LDB2: variants seen among roughly 807,000 people sequenced by gnomAD.
LDB2 encodes the protein LIM domain-binding protein 2.
Under a neutral mutation model 44.3 loss-of-function variants are expected in LDB2, and 12 were observed. The observed-to-expected ratio is 0.27, with a 90% CI of 0.17 to 0.44. LDB2 has a LOEUF of 0.44. LDB2 is among the 20% of genes least tolerant of loss of function. LDB2 has a pLI of 1.00. For missense variants in LDB2, 344 were observed against 473.5 expected, an observed-to-expected ratio of 0.73 and a Z score of 2.54; for synonymous variants, 164 against 174.8, an observed-to-expected ratio of 0.94 and a Z score of 0.49.
intron 1 of LDB2, among the ~76,000 whole-genome samples, chr4:16,777,308 G>A (rs566991400): frequency 6.6e-6 from 1 of 152,242 alleles, no homozygotes; most frequent in South Asian, 2.1e-4. Flanking sequence ...GGTGAGAAAT[G>A]GTTTCCTGTT....
chr4:16,612,222 G>C lies in LDB2; in HGVS notation c.236-16347C>G, dbSNP rs540569025. Reference sequence around the variant, plus strand: ...TGGGACACAGCTAAAGCAGTGTTAAGAGGGAAATTTATAACACTAAATGCC... The same window carrying C: ...TGGGACACAGCTAAAGCAGTGTTAACAGGGAAATTTATAACACTAAATGCC... On this transcript the variant is annotated intron_variant, in intron 2 of 7. Transcript: ENST00000304523. Among the ~76,000 whole-genome samples the C allele has an allele frequency of 3.3e-5, 5 of 152,260 alleles. No individual in the cohort carries two copies. In the East Asian group the frequency reaches 7.7e-4, roughly 23 times the overall value.
intron 2 of LDB2, among the ~76,000 whole-genome samples, chr4:16,614,491 A>G (rs1726567258): frequency 6.6e-6 from 1 of 151,854 alleles, no homozygotes; most frequent in Non-Finnish European, 1.5e-5. Context: ...CAACCTACAA[A>G]ATGGGAGAGA....
chr4:16,759,256 C>A lies in LDB2; in HGVS notation c.137G>T (p.Ser46Ile). The change falls in exon 2 of 8, where the codon AGT becomes ATT. Residue 46 changes from serine to isoleucine, a missense_variant. Ser to Ile is a moderately radical substitution (Grantham distance 142). Transcript: ENST00000304523. ...AAAGGCGTCCCACCAGAGGTTGTCA[C>A]TATCCTGCAAAGAGACAGATCATTT... Reference protein sequence around the residue: ...NKRLQSRTEDSDNLWWDAFAT... With the variant: ...NKRLQSRTEDIDNLWWDAFAT... 6.2e-7 allele frequency: 1 copy of A among 1,604,168 alleles called. No homozygotes were observed.
chr4:16,677,437 T>G (rs1423995273), intron 2 of LDB2, among the ~76,000 whole-genome samples: 1 of 152,158 alleles, frequency 6.6e-6, no homozygotes, highest in Non-Finnish European at 1.5e-5. Flanking sequence ...GCAAGAGGGA[T>G]GACTGGATTG....
At chr4:16,743,933 C>T (rs1763850958) in intron 2 of LDB2, among the ~76,000 whole-genome samples, 1 of 152,182 alleles carries the variant, frequency 6.6e-6, no homozygotes, top group East Asian at 1.9e-4. Context: ...ACTAAAATAC[C>T]TATCAAATAG....
intron 1 of LDB2, among the ~76,000 whole-genome samples, chr4:16,870,533 T>A (rs1433292213): frequency 6.6e-6 from 1 of 152,052 alleles, no homozygotes; most frequent in Non-Finnish European, 1.5e-5. Context: ...TTACCAGGTA[T>A]AAAAGCCCTC....
At chr4:16,659,524 A>C (rs1057048989) in intron 2 of LDB2, among the ~76,000 whole-genome samples, 3 of 152,086 alleles carry the variant, frequency 2.0e-5, no homozygotes, top group African/African-American at 4.8e-5. Context: ...GTTTTAAATT[A>C]ACTTATTCAG....
At chr4:16,672,151 G>T (rs1037221153) in intron 2 of LDB2, among the ~76,000 whole-genome samples, 2 of 152,148 alleles carry the variant, frequency 1.3e-5, no homozygotes, top group Non-Finnish European at 2.9e-5. Context: ...TGTGAGGGAG[G>T]TATGACTGTC....
intron 5 of LDB2, among the ~76,000 whole-genome samples, chr4:16,572,033 A>C (rs1161525453): frequency 6.6e-6 from 1 of 152,122 alleles, no homozygotes; most frequent in Non-Finnish European, 1.5e-5. Flanking sequence ...ATTCAGCAAG[A>C]TGGTACCTGG....
chr4:16,846,113 C>CAAA (rs374522770), intron 1 of LDB2, among the ~76,000 whole-genome samples: 4 of 111,780 alleles, frequency 3.6e-5, no homozygotes, highest in Non-Finnish European at 1.9e-5. Context: ...GACTCTGTCT[C>CAAA]AAAAAAAAAA....
chr4:16,548,545 T>C (rs13138639), intron 5 of LDB2, among the ~76,000 whole-genome samples: 1 of 152,204 alleles, frequency 6.6e-6, no homozygotes, highest in African/African-American at 2.4e-5. Context: ...AGAAATTATG[T>C]TTTATTCCTA....
intron 1 of LDB2, among the ~76,000 whole-genome samples, chr4:16,778,005 G>C (rs958598682): frequency 6.6e-6 from 1 of 152,106 alleles, no homozygotes; most frequent in Non-Finnish European, 1.5e-5. Flanking sequence ...CCTCAGGACA[G>C]TTCACACCGC....
chr4:16,631,298 C>A (rs1731888214), intron 2 of LDB2, among the ~76,000 whole-genome samples: 1 of 152,192 alleles, frequency 6.6e-6, no homozygotes, highest in South Asian at 2.1e-4. Flanking sequence ...AACCACACAA[C>A]TACATGGAAA....
At chr4:16,740,654 C>G (rs1478689487) in intron 2 of LDB2, among the ~76,000 whole-genome samples, 2 of 152,242 alleles carry the variant, frequency 1.3e-5, no homozygotes, top group African/African-American at 4.8e-5. Context: ...ATGCTTCTCT[C>G]TTCCATTGGA....
At chr4:16,825,106 C>T (rs1178337917) in intron 1 of LDB2, among the ~76,000 whole-genome samples, 4 of 152,058 alleles carry the variant, frequency 2.6e-5, no homozygotes, top group Non-Finnish European at 2.9e-5. Context: ...GAAAGAGAGA[C>T]CCTGAATGAT....
chr4:16,600,701 C>T (rs1444071851), intron 2 of LDB2, among the ~76,000 whole-genome samples: 1 of 152,110 alleles, frequency 6.6e-6, no homozygotes, highest in African/African-American at 2.4e-5. Flanking sequence ...ATTTTGTTTA[C>T]ATCCATCCCT....
chr4:16,558,977 G>A (rs1740929130), intron 5 of LDB2, among the ~76,000 whole-genome samples: 1 of 152,184 alleles, frequency 6.6e-6, no homozygotes. Context: ...ATAAGTAAGT[G>A]AAGGAGAACT....
At chr4:16,599,531 A>G (rs1276076253) in intron 2 of LDB2, among the ~76,000 whole-genome samples, 1 of 152,176 alleles carries the variant, frequency 6.6e-6, no homozygotes, top group Admixed American at 6.6e-5. Context: ...ATTCACAGAT[A>G]CCAGGAATTC....
chr4:16,575,520 A>G (rs28391485), intron 5 of LDB2, among the ~76,000 whole-genome samples: 11,118 of 152,276 alleles, frequency 0.073, 810 homozygotes, highest in African/African-American at 0.18. Flanking sequence ...TCCTTGGCAC[A>G]TGGATGATTC....
Sources: gnomAD v4.1 joint callset for allele counts (sites outside exome capture counted in the v4.1 genomes callset) on GRCh38, gnomAD v4.1.1 for gene constraint, MANE v1.5 for transcripts, NCBI Gene and HGNC (gene_info 2026-07-23, HGNC 2026-07-21) for gene names.